Variants in SAMD4A observed in about 807,000 individuals in gnomAD.
SAMD4A encodes protein Smaug homolog 1.
SAMD4A carries 33 observed loss-of-function variants against 81.3 expected under a neutral mutation model. The observed-to-expected ratio is 0.41, with a 90% CI of 0.31 to 0.54. The LOEUF (loss-of-function observed/expected upper bound fraction) is 0.54, where lower values mean the gene tolerates loss of function less well. SAMD4A is among the 20% of genes least tolerant of loss of function. The pLI, the probability that SAMD4A is intolerant of heterozygous loss-of-function variation, is 0.37. For missense variants in SAMD4A, 854 were observed against 951.1 expected (o/e 0.90, Z 1.34); for synonymous variants, 389 against 382.1 (o/e 1.02, Z -0.21).
At position 54,682,837 on chromosome 14, in the gene SAMD4A, T is replaced by C. The variant is rs150418655; in HGVS notation, c.197-19225T>C. Among the ~76,000 whole-genome samples the C allele has an allele frequency of 4.3e-3, 658 of 152,312 alleles. 4 individuals carry two copies. The highest frequency in any genetic ancestry group is 0.015 in the African/African-American group (634 of 41,566). On this transcript the variant is annotated intron_variant, in intron 2 of 12. Coordinates refer to ENST00000554335, the MANE Select transcript of SAMD4A (RefSeq NM_015589.6). ...AGACATTCAGTGACTTATGCAATGC[T>C]GTATGTAATAGGCCTGCTGAAAGAA...
At chr14:54,565,552 GC>G (rs2032904162), upstream of SAMD4A, among the ~76,000 whole-genome samples, 1 of 152,198 alleles carries the variant, frequency 6.6e-6, no homozygotes, top group Non-Finnish European at 1.5e-5. This position sits in a 1 kb window ranked among gnomAD's most constrained non-coding sequence, Gnocchi z 5.4. Flanking sequence ...TGAACCCTTC[GC>G]CTCCACGACC....
intron 4 of SAMD4A, among the ~76,000 whole-genome samples, chr14:54,744,460 T>G (rs189937153): frequency 4.7e-4 from 72 of 152,264 alleles, no homozygotes; most frequent in Non-Finnish European, 6.9e-4. Context: ...CAGCATGATT[T>G]AAAACTGAAT....
intron 6 of SAMD4A, among the ~76,000 whole-genome samples, chr14:54,757,349 C>T (rs142091807): frequency 1.3e-3 from 200 of 149,658 alleles, no homozygotes; most frequent in Admixed American, 3.3e-3. Context: ...TAGAAAGTGT[C>T]CAACATTATT....
At chr14:54,625,849 A>G (rs994764161) in intron 2 of SAMD4A, among the ~76,000 whole-genome samples, 11 of 152,082 alleles carry the variant, frequency 7.2e-5, no homozygotes, top group Non-Finnish European at 8.8e-5. Context: ...CATTTCCCCC[A>G]TGCATTGTAC....
At chr14:54,735,486 C>A (rs1566610875) in intron 3 of SAMD4A, among the ~76,000 whole-genome samples, 1 of 152,216 alleles carries the variant, frequency 6.6e-6, no homozygotes, top group Non-Finnish European at 1.5e-5. Context: ...CGGTAGCTCT[C>A]TTTTGTCCTC....
intron 3 of SAMD4A, among the ~76,000 whole-genome samples, chr14:54,733,310 T>C (rs1427035660): frequency 6.6e-6 from 1 of 152,220 alleles, no homozygotes; most frequent in East Asian, 1.9e-4. Flanking sequence ...CCTAATGATA[T>C]ATGCATGCGT....
intron 2 of SAMD4A, among the ~76,000 whole-genome samples, chr14:54,589,238 G>A (rs1249599006): frequency 6.6e-6 from 1 of 152,128 alleles, no homozygotes; most frequent in Non-Finnish European, 1.5e-5. Flanking sequence ...TAATTTACAC[G>A]CTCATCTATC....
At chr14:54,576,505 G>C (rs1192456593) in intron 2 of SAMD4A, among the ~76,000 whole-genome samples, 2 of 152,190 alleles carry the variant, frequency 1.3e-5, no homozygotes, top group Non-Finnish European at 2.9e-5. Flanking sequence ...TTGGGCCTGT[G>C]CAAGATACCA....
At chr14:54,673,903 C>T (rs773931534) in intron 2 of SAMD4A, among the ~76,000 whole-genome samples, 14 of 152,172 alleles carry the variant, frequency 9.2e-5, no homozygotes, top group Non-Finnish European at 1.6e-4. Context: ...TTTTTGAGAG[C>T]TGAACTCTGG....
chr14:54,694,265 A>G (rs1205620443), intron 2 of SAMD4A: 1 of 152,604 alleles, frequency 6.6e-6, no homozygotes, highest in Non-Finnish European at 1.5e-5. Flanking sequence ...ATAAGAGACT[A>G]CTGGAGAGGG....
chr14:54,669,443 T>TTA (rs2035826498), intron 2 of SAMD4A, among the ~76,000 whole-genome samples: 2 of 119,542 alleles, frequency 1.7e-5, no homozygotes, highest in African/African-American at 6.0e-5. Context: ...CAACGCTTCT[T>TTA]TCTTTTTTTT....
intron 9 of SAMD4A, among the ~76,000 whole-genome samples, chr14:54,772,425 C>T (rs1200028300): frequency 6.6e-6 from 1 of 152,174 alleles, no homozygotes; most frequent in African/African-American, 2.4e-5. Flanking sequence ...TGTAATAACC[C>T]TCGAAGGGTC....
chr14:54,568,619 T>G (rs541092893), intron 2 of SAMD4A, among the ~76,000 whole-genome samples: 12 of 146,100 alleles, frequency 8.2e-5, no homozygotes, highest in Non-Finnish European at 1.5e-4. Flanking sequence ...CCACAGATAT[T>G]CTGGTTTTAG....
intron 3 of SAMD4A, among the ~76,000 whole-genome samples, chr14:54,723,311 A>T (rs1283758029): frequency 2.0e-5 from 3 of 152,196 alleles, no homozygotes; most frequent in Non-Finnish European, 4.4e-5. Flanking sequence ...GTGGTTGGGC[A>T]GGTGATTTCT....
At chr14:54,595,276 A>G (rs1471473705) in intron 2 of SAMD4A, among the ~76,000 whole-genome samples, 6 of 152,132 alleles carry the variant, frequency 3.9e-5, no homozygotes, top group Non-Finnish European at 7.4e-5. Flanking sequence ...CATCTTCACT[A>G]GAGTTTTATC....
At chr14:54,758,476 A>T (rs1428506330) in intron 6 of SAMD4A, among the ~76,000 whole-genome samples, 4 of 152,232 alleles carry the variant, frequency 2.6e-5, no homozygotes, top group South Asian at 2.1e-4. Context: ...CCAGGAATGG[A>T]TTGGATACTC....
At position 54,669,273 on chromosome 14, in the gene SAMD4A, A is replaced by G. The variant is rs376792151; in HGVS notation, c.197-32789A>G. On this transcript the variant is annotated intron_variant, in intron 2 of 12. Coordinates refer to ENST00000554335, the MANE Select transcript of SAMD4A (RefSeq NM_015589.6). ...GCCTGGAGCCCGTTAGAGAAGGGGA[A>G]GCTGCTGCTGTCCTCCTTGGAGGCT... Among the ~76,000 whole-genome samples the G allele has an allele frequency of 3.3e-5, 5 of 152,230 alleles. No homozygotes were observed. In the South Asian group the frequency reaches 6.2e-4, roughly 19 times the overall value.
intron 2 of SAMD4A, among the ~76,000 whole-genome samples, chr14:54,619,397 C>T (rs1257189375): frequency 6.6e-6 from 1 of 152,136 alleles, no homozygotes; most frequent in Non-Finnish European, 1.5e-5. Flanking sequence ...ACTTAGTGCT[C>T]AGCCCATTTC....
chr14:54,762,623 G>A (rs894239216), intron 7 of SAMD4A, among the ~76,000 whole-genome samples: 26 of 151,994 alleles, frequency 1.7e-4, no homozygotes, highest in Non-Finnish European at 3.7e-4. Context: ...CCTACTTCCT[G>A]AGAGACCCAC....
Sources: allele counts gnomAD v4.1 joint callset (sites outside exome capture counted in the v4.1 genomes callset), GRCh38; gene constraint gnomAD v4.1.1; non-coding constraint Gnocchi (gnomAD v3.1); transcripts MANE v1.5; gene names NCBI Gene and HGNC (gene_info 2026-07-23, HGNC 2026-07-21).